MARK3: variants seen among roughly 807,000 people sequenced by gnomAD.
MARK3 encodes the protein MAP/microtubule affinity-regulating kinase 3.
In MARK3, 46 loss-of-function variants were observed where a neutral mutation model predicts 90.1. The observed-to-expected ratio is 0.51, with a 90% CI of 0.40 to 0.65. The LOEUF is 0.65. Ranked by LOEUF, MARK3 falls within the 30% of genes least tolerant of loss-of-function variation. The pLI, the probability that MARK3 is intolerant of heterozygous loss-of-function variation, is 0.00. For missense variants in MARK3, 818 were observed against 947.2 expected, an observed-to-expected ratio of 0.86 and a Z score of 1.79; for synonymous variants, 321 against 332.6, an observed-to-expected ratio of 0.97 and a Z score of 0.38.
chr14:103,492,452 CTT>C (rs2094033356), intron 15 of MARK3, among the ~76,000 whole-genome samples: 1 of 152,078 alleles, frequency 6.6e-6, no homozygotes, highest in African/African-American at 2.4e-5. Flanking sequence ...GACAGCTTCT[CTT>C]TTCTCACTTT....
At chr14:103,484,145 A>G (rs930794691) in intron 14 of MARK3, among the ~76,000 whole-genome samples, 2 of 151,220 alleles carry the variant, frequency 1.3e-5, no homozygotes, top group Non-Finnish European at 2.9e-5. Context: ...TGTTACAGTA[A>G]TGCAAACAGA....
At chr14:103,399,046 G>C (rs1287551956) in intron 1 of MARK3, among the ~76,000 whole-genome samples, 3 of 152,202 alleles carry the variant, frequency 2.0e-5, no homozygotes, top group Non-Finnish European at 4.4e-5. Context: ...TGGGAGGTAC[G>C]TAAGTAGGCC....
At chr14:103,474,709 A>G (rs763957388) in intron 12 of MARK3, among the ~76,000 whole-genome samples, 1 of 152,176 alleles carries the variant, frequency 6.6e-6, no homozygotes, top group Non-Finnish European at 1.5e-5. Flanking sequence ...GTTTGAATCT[A>G]TGCAGTACCA....
intron 3 of MARK3, among the ~76,000 whole-genome samples, chr14:103,431,775 T>C (rs1266893914): frequency 1.3e-5 from 2 of 152,312 alleles, no homozygotes; most frequent in African/African-American, 2.4e-5. Context: ...CTAGCATCTG[T>C]CTTCTAGAAA....
chr14:103,442,990 A>G (rs1291692721), intron 3 of MARK3, among the ~76,000 whole-genome samples: 2 of 151,598 alleles, frequency 1.3e-5, no homozygotes, highest in East Asian at 3.9e-4. Flanking sequence ...GCAATGAAAT[A>G]GATAAGCTAC....
chr14:103,463,077 T>C (rs183335189), intron 7 of MARK3, among the ~76,000 whole-genome samples: 1 of 152,154 alleles, frequency 6.6e-6, no homozygotes, highest in East Asian at 1.9e-4. Flanking sequence ...TTTCTCTCCG[T>C]TTGTTTATTC....
At chr14:103,497,194 C>T (rs138364364) in intron 15 of MARK3, among the ~76,000 whole-genome samples, 44 of 152,262 alleles carry the variant, frequency 2.9e-4, no homozygotes, top group African/African-American at 9.6e-4. Context: ...ATTGTACTGT[C>T]GATGACCCTG....
chr14:103,452,762 C>T (rs1009595219), intron 5 of MARK3, among the ~76,000 whole-genome samples: 4 of 152,248 alleles, frequency 2.6e-5, no homozygotes, highest in Admixed American at 1.3e-4. Context: ...TGAGCCACCG[C>T]GCCCGGCCAG....
chr14:103,475,340 C>T (rs2093696291), intron 13 of MARK3, 130 bp downstream of exon 13: 1 of 679,662 alleles, frequency 1.5e-6, no homozygotes, highest in African/African-American at 1.8e-5. Context: ...CATGCCCAAT[C>T]TTAACTTACA....
chr14:103,430,339 C>A (rs1037225526), intron 3 of MARK3, among the ~76,000 whole-genome samples: 1 of 152,048 alleles, frequency 6.6e-6, no homozygotes, highest in Non-Finnish European at 1.5e-5. Flanking sequence ...GTTTCCAATT[C>A]TTTTTCACCA....
At chr14:103,389,528 C>CA (rs67737305) in intron 1 of MARK3, among the ~76,000 whole-genome samples, 1,390 of 49,766 alleles carry the variant, frequency 0.028, 66 homozygotes, top group Non-Finnish European at 0.035. Context: ...ACTCTGTCTC[C>CA]AAAAAAAAAA....
Position 103,421,912 on chromosome 14 carries a change from CAA to C in MARK3, c.244-6474_244-6473del, listed in dbSNP as rs1566813609. 2.0e-5 allele frequency among the ~76,000 whole-genome samples: 3 copies of C among 152,196 alleles called. No homozygotes were observed. The East Asian group carries it at 5.8e-4, about 29-fold the overall frequency. On this transcript the variant is annotated intron_variant, in intron 2 of 17. Coordinates refer to ENST00000429436, the MANE Select transcript of MARK3 (RefSeq NM_001128918.3). The stretch of plus-strand genomic sequence containing the variant: ...AACTTTTCATGTAATTATTTTTATT[CAA>C]GTTACATATTACACACAGTTTAAAG...
chr14:103,447,429 C>T (rs914588125), intron 3 of MARK3, among the ~76,000 whole-genome samples: 3 of 152,232 alleles, frequency 2.0e-5, no homozygotes, highest in African/African-American at 4.8e-5. Context: ...TCACCAGCTT[C>T]CTTTCCACAT....
intron 12 of MARK3, among the ~76,000 whole-genome samples, chr14:103,472,679 T>C (rs1324389804): frequency 2.1e-5 from 3 of 143,794 alleles, no homozygotes; most frequent in Non-Finnish European, 4.5e-5. Flanking sequence ...GAAATTTCTG[T>C]GTGACACATC....
chr14:103,473,572 A>G (rs548577352), intron 12 of MARK3, among the ~76,000 whole-genome samples: 43 of 152,322 alleles, frequency 2.8e-4, no homozygotes, highest in African/African-American at 9.6e-4. Context: ...TTTGTTTTAT[A>G]TGTTAAAATC....
rs1172287955 is a variant in MARK3 at position 103,451,798 on chromosome 14, C to A, written c.347-120C>A. ...TTCCCTAAAAGCATTTTTTAGAGGGCCAGCTATTAAAATCTTTAACAGGGA... is the reference window on the plus strand; with the variant it reads ...TTCCCTAAAAGCATTTTTTAGAGGGACAGCTATTAAAATCTTTAACAGGGA... On this transcript the variant is annotated intron_variant, in intron 4 of 17. Transcript: ENST00000429436. The A allele has an allele frequency of 4.7e-6, 3 of 632,116 alleles. No homozygotes were observed. In the East Asian group the frequency reaches 8.5e-5, roughly 18 times the overall value. 39.2% of individuals were successfully genotyped at this position (632,116 alleles called of 1,614,324 possible).
chr14:103,457,284 T>C (rs1285920914), intron 6 of MARK3, 72 bp downstream of exon 6: 1 of 1,170,586 alleles, frequency 8.5e-7, no homozygotes. Context: ...CAAACAAGTG[T>C]TTGCCTCCAT....
intron 12 of MARK3, chr14:103,469,091 A>G (rs923641123): frequency 6.6e-6 from 1 of 152,154 alleles, no homozygotes; most frequent in African/African-American, 2.4e-5. Flanking sequence ...TCAAGAAGCT[A>G]CTGGCCACTT....
At chr14:103,453,788 T>A (rs565377622) in intron 5 of MARK3, among the ~76,000 whole-genome samples, 12 of 152,134 alleles carry the variant, frequency 7.9e-5, no homozygotes, top group Non-Finnish European at 1.5e-4. Flanking sequence ...TCTTACCAGA[T>A]CTCCTTTGAC....
Sources: allele counts gnomAD v4.1 joint callset (sites outside exome capture counted in the v4.1 genomes callset), GRCh38; gene constraint gnomAD v4.1.1; transcripts MANE v1.5; gene names NCBI Gene and HGNC (gene_info 2026-07-23, HGNC 2026-07-21).